Variants in UMODL1 observed in about 807,000 individuals in gnomAD.
UMODL1 encodes the protein uromodulin-like 1.
A neutral mutation model predicts 136.3 loss-of-function variants in UMODL1; 128 were observed. The ratio of observed to expected loss-of-function variants is 0.94; its 90% CI spans 0.81 to 1.09. UMODL1 has a LOEUF of 1.09. Among genes scored for constraint, UMODL1 ranks in the 50% least tolerant of loss-of-function variants. The pLI, the probability that UMODL1 is intolerant of heterozygous loss-of-function variation, is 0.00. For missense variants in UMODL1, 1,766 were observed against 1,725.6 expected (o/e 1.02, Z -0.41); for synonymous variants, 721 against 720.0 (o/e 1.00, Z -0.02).
rs139108668 is a variant in UMODL1, at chr21:42,104,712, G to T, written c.1519+625G>T. On this transcript the variant is annotated intron_variant, in intron 9 of 22. Transcript: ENST00000408910. ...TGATCCACCTGCCTCAGCCTCCCAA[G>T]GTGCTGGGATTACAGGCGTGAGCCA... 1.9e-3 allele frequency among the ~76,000 whole-genome samples: 295 copies of T among 152,246 alleles called. 3 individuals are homozygous for T. The highest frequency in any genetic ancestry group is 6.8e-3 in the African/African-American group (282 of 41,554).
chr21:42,126,964 G>GC, intron 18 of UMODL1, 42 bp from the exon 19 acceptor site: 1 of 1,509,172 alleles, frequency 6.6e-7, no homozygotes, highest in Non-Finnish European at 9.2e-7. Context: ...ACGATAATGC[G>GC]CCTCCTGAAA....
chr21:42,119,715 G>C (rs932361133), intron 15 of UMODL1, among the ~76,000 whole-genome samples: 6 of 152,140 alleles, frequency 3.9e-5, no homozygotes, highest in Admixed American at 3.9e-4. Flanking sequence ...GGGAGAAAAA[G>C]ACAATTCAGA....
Position 42,085,398 on chromosome 21 carries a change from C to T in UMODL1, c.589C>T (p.Leu197Phe). ...VDPRLLNHMR[L>F]LHSLVTSALQ... ...CCCCAGGCTCCTGAACCACATGCGC[C>T]TTCTGCATTCCTTGGTAGGTGAGAC... is the stretch of plus-strand genomic sequence containing the variant. Residue 197 changes from leucine (L) to phenylalanine (F), a missense_variant, in exon 4 of 23, where the codon CTT (leucine) becomes TTT (phenylalanine). Physicochemically the swap from Leu to Phe is conservative, Grantham distance 22. Coordinates refer to ENST00000408910, the MANE Select transcript of UMODL1 (RefSeq NM_001004416.3). This position sits in a 1 kb window ranked among gnomAD's most constrained non-coding sequence, Gnocchi z 4.5. 7 of 1,614,000 alleles carry T rather than the reference C, an allele frequency of 4.3e-6. No homozygotes were observed. Among genetic ancestry groups the T allele is most frequent in the Non-Finnish European group, 5.1e-6 (6 of 1,179,978 alleles).
At chr21:42,100,641 A>G (rs1226430264) in intron 7 of UMODL1, among the ~76,000 whole-genome samples, 1 of 152,028 alleles carries the variant, frequency 6.6e-6, no homozygotes, top group East Asian at 1.9e-4. Context: ...CAGTTCCATT[A>G]CAGAACCATC....
chr21:42,110,040 T>A (rs1216516683), intron 10 of UMODL1, among the ~76,000 whole-genome samples: 1 of 151,882 alleles, frequency 6.6e-6, no homozygotes, highest in Non-Finnish European at 1.5e-5. Flanking sequence ...CAGCCCGGGG[T>A]CGAGGGATTC....
At chr21:42,127,978 C>A (rs563606079) in intron 20 of UMODL1, 147 bp downstream of exon 20, 19 of 1,037,100 alleles carry the variant, frequency 1.8e-5, no homozygotes, top group Non-Finnish European at 2.6e-5. Flanking sequence ...GCAGACTCCG[C>A]GTCTGAAATG....
chr21:42,139,991 G>A (rs562848651), intron 22 of UMODL1, among the ~76,000 whole-genome samples: 14 of 152,318 alleles, frequency 9.2e-5, no homozygotes, highest in East Asian at 7.7e-4. Flanking sequence ...TTTTGGAAAC[G>A]TGTGCTGTAG....
upstream of UMODL1, among the ~76,000 whole-genome samples, chr21:42,068,734 G>A (rs902920055): frequency 6.6e-6 from 1 of 151,258 alleles, no homozygotes; most frequent in African/African-American, 2.5e-5. This position sits in a 1 kb window ranked among gnomAD's most constrained non-coding sequence, Gnocchi z 5.5. Flanking sequence ...ATGAGTTTGT[G>A]TTTGTAAGTG....
intron 2 of UMODL1, among the ~76,000 whole-genome samples, chr21:42,080,066 T>C (rs1056811889): frequency 2.0e-4 from 31 of 152,226 alleles, no homozygotes; most frequent in Admixed American, 2.0e-3. Context: ...AGAGACACCA[T>C]GCTGGTGGTG....
At chr21:42,128,342 G>A (rs2067089535) in intron 20 of UMODL1, among the ~76,000 whole-genome samples, 1 of 152,152 alleles carries the variant, frequency 6.6e-6, no homozygotes, top group Admixed American at 6.6e-5. Context: ...CCTGAGGTTT[G>A]AAAACTGTGC....
intron 9 of UMODL1, among the ~76,000 whole-genome samples, chr21:42,109,190 T>C (rs1743795736): frequency 6.6e-6 from 1 of 151,758 alleles, no homozygotes; most frequent in African/African-American, 2.4e-5. Context: ...GCTCAGTTAC[T>C]TTCCTATTTC....
intron 1 of UMODL1, 50 bp downstream of exon 1, chr21:42,071,442 T>C: frequency 1.3e-6 from 2 of 1,493,294 alleles, no homozygotes; most frequent in Non-Finnish European, 1.8e-6. Flanking sequence ...AGGGGCTTCC[T>C]GGCATGGGTC....
At position 42,109,779 on chromosome 21, in the gene UMODL1, T is replaced by C. The variant is rs1401917478; in HGVS notation, c.1657+80T>C. 1.1e-5 allele frequency: 16 copies of C among 1,508,410 alleles called. No individual in the cohort carries two copies. The Admixed American group carries it at 1.8e-4, about 17-fold the overall frequency. 93.4% of individuals were successfully genotyped at this position (1,508,410 alleles called of 1,614,324 possible). On this transcript the variant is annotated intron_variant, in intron 10 of 22. Coordinates refer to ENST00000408910, the MANE Select transcript of UMODL1 (RefSeq NM_001004416.3). ...GGGTGGGGCAAAGCCCAATTCTCCATAGGCACAGGGCTGAGGACCTATGGT... is the reference window on the plus strand; with the variant it reads ...GGGTGGGGCAAAGCCCAATTCTCCACAGGCACAGGGCTGAGGACCTATGGT...
At chr21:42,088,249 C>T (rs371246750) in intron 4 of UMODL1, 45 bp from the exon 5 acceptor site, 28 of 1,587,922 alleles carry the variant, frequency 1.8e-5, no homozygotes, top group African/African-American at 5.4e-5. Context: ...GTCTGTCTGA[C>T]GGGGTGTCCT....
intron 2 of UMODL1, among the ~76,000 whole-genome samples, chr21:42,077,139 C>G (rs906222295): frequency 2.6e-5 from 4 of 151,414 alleles, no homozygotes; most frequent in Non-Finnish European, 5.9e-5. Context: ...CTGCCTTGCA[C>G]CCCCACTGTG....
chr21:42,098,998 A>G lies in UMODL1; in HGVS notation c.1004A>G (p.Asn335Ser). Residue 335 changes from asparagine to serine, a missense_variant, in exon 7 of 23, where the codon AAT becomes AGT. Asn to Ser is a conservative substitution (Grantham distance 46, BLOSUM62 1). Coordinates refer to ENST00000408910, the MANE Select transcript of UMODL1 (RefSeq NM_001004416.3). ...SDSFQVSWRL[N>S]STQNHTFHVR... ...AGTTTTCAAGTATCCTGGCGTTTAA[A>G]TTCTACACAGAACCACACTTTCCAT... 1.2e-6 allele frequency: 2 copies of G among 1,614,174 alleles called. No individual in the cohort carries two copies. The highest frequency in any genetic ancestry group is 1.7e-6 in the Non-Finnish European group (2 of 1,180,030).
At chr21:42,100,563 T>C (rs2066614683) in intron 7 of UMODL1, among the ~76,000 whole-genome samples, 1 of 151,910 alleles carries the variant, frequency 6.6e-6, no homozygotes, top group African/African-American at 2.4e-5. Flanking sequence ...CTCATTTCAT[T>C]TCCAAAGTAC....
Position 42,133,394 on chromosome 21 carries a change from C to T in UMODL1, c.3775+3597C>T, listed in dbSNP as rs146839767. On this transcript the variant is annotated intron_variant, in intron 21 of 22. Coordinates refer to ENST00000408910, the MANE Select transcript of UMODL1 (RefSeq NM_001004416.3). ...CTGGTACCTGCACGAGCTGGGCCTG[C>T]GAGTGCAGATCCAGGCTGCTCATAA... Among the ~76,000 whole-genome samples, 207 of 152,332 alleles carry T rather than the reference C, an allele frequency of 1.4e-3. 1 individual carries two copies. Among genetic ancestry groups the T allele is most frequent in the African/African-American group, 4.9e-3 (202 of 41,574 alleles).
At chr21:42,115,302 A>G (rs2146514044) in intron 13 of UMODL1, among the ~76,000 whole-genome samples, 1 of 152,328 alleles carries the variant, frequency 6.6e-6, no homozygotes, top group South Asian at 2.1e-4. Flanking sequence ...CTGCGGAGGG[A>G]AAAGATTCAG....
Sources: allele counts gnomAD v4.1 joint callset (sites outside exome capture counted in the v4.1 genomes callset), GRCh38; gene constraint gnomAD v4.1.1; non-coding constraint Gnocchi (gnomAD v3.1); transcripts MANE v1.5; gene names NCBI Gene and HGNC (gene_info 2026-07-23, HGNC 2026-07-21).